USP32: variants seen among roughly 807,000 people sequenced by gnomAD.
USP32 encodes ubiquitin specific peptidase 32, also known as ubiquitin carboxyl-terminal hydrolase 32.
Under a neutral mutation model 204.8 loss-of-function variants are expected in USP32, and 59 were observed. The ratio of observed to expected loss-of-function variants is 0.29; its 90% CI spans 0.23 to 0.36. The LOEUF is 0.36. Among genes scored for constraint, USP32 ranks in the 10% least tolerant of loss-of-function variants. The probability of loss-of-function intolerance (pLI) is 1.00; values close to 1 mark genes in which losing one functional copy is unlikely to be tolerated. For synonymous variants in USP32, 517 were observed against 678.4 expected (o/e 0.76, Z 3.70); for missense variants, 1,160 against 1,946.4 (o/e 0.60, Z 7.60).
At position 60,179,213 on chromosome 17, in the gene USP32, T is replaced by G; in HGVS notation, c.*42A>C. Reference sequence around the variant, plus strand: ...GCCAAATGTCAGCTACAAGGAGTCATCTCCCTCACCGCCAAGCTGTCTAGC... The same window carrying G: ...GCCAAATGTCAGCTACAAGGAGTCAGCTCCCTCACCGCCAAGCTGTCTAGC... On this transcript the variant is annotated 3_prime_UTR_variant, in exon 34 of 34. Coordinates refer to ENST00000300896, the MANE Select transcript of USP32 (RefSeq NM_032582.4). The G allele has an allele frequency of 6.3e-7, 1 of 1,581,740 alleles. No homozygotes were observed. Among genetic ancestry groups the G allele is most frequent in the Non-Finnish European group, 8.6e-7 (1 of 1,159,346 alleles).
intron 1 of USP32, among the ~76,000 whole-genome samples, chr17:60,367,540 GAGGC>G: frequency 6.6e-6 from 1 of 152,186 alleles, no homozygotes; most frequent in Non-Finnish European, 1.5e-5. Context: ...GCTGGGCATG[GAGGC>G]TCAAACCTGT....
chr17:60,397,385 C>T lies in USP32; in HGVS notation c.106+24861G>A, dbSNP rs373774045. On this transcript the variant is annotated intron_variant, in intron 1 of 3. Transcript: ENST00000588898. ...CCAGTTGTTGTTGTTGTTTAAGACACAGCGTCTCTCTCTATCACTCAGGCT... is the reference window on the plus strand; with the variant it reads ...CCAGTTGTTGTTGTTGTTTAAGACATAGCGTCTCTCTCTATCACTCAGGCT... 3.7e-4 allele frequency among the ~76,000 whole-genome samples: 56 copies of T among 152,264 alleles called. 1 individual carries two copies. The highest frequency in any genetic ancestry group is 3.5e-3 in the East Asian group (18 of 5,192).
chr17:60,317,953 C>A (rs1048263166), intron 2 of USP32, among the ~76,000 whole-genome samples: 11 of 152,208 alleles, frequency 7.2e-5, no homozygotes, highest in Non-Finnish European at 1.6e-4. Context: ...CCACTGCACT[C>A]CAGCCTCGGC....
intron 2 of USP32, among the ~76,000 whole-genome samples, chr17:60,308,537 C>A (rs1025757240): frequency 6.6e-6 from 1 of 152,188 alleles, no homozygotes; most frequent in Admixed American, 6.5e-5. Flanking sequence ...ATTTACAATC[C>A]ACTCATCTTC....
chr17:60,311,873 A>G (rs1466315076), intron 2 of USP32, among the ~76,000 whole-genome samples: 1 of 148,772 alleles, frequency 6.7e-6, no homozygotes, highest in Admixed American at 6.7e-5. Flanking sequence ...TCCAGAGTTT[A>G]GAAACAGTTG....
At chr17:60,346,869 A>AAAAGTATCTTACT (rs1359378288) in intron 1 of USP32, among the ~76,000 whole-genome samples, 1 of 152,260 alleles carries the variant, frequency 6.6e-6, no homozygotes, top group African/African-American at 2.4e-5. Flanking sequence ...AATGTATCAT[A>AAAAGTATCTTACT]AAAGTATCTT....
chr17:60,221,508 CTTT>C (rs938743111), intron 15 of USP32, among the ~76,000 whole-genome samples: 1 of 142,202 alleles, frequency 7.0e-6, no homozygotes, highest in Non-Finnish European at 1.5e-5. Flanking sequence ...GTGTTTCTTT[CTTT>C]TTTTTTTTTT....
At chr17:60,259,984 C>A (rs1341310340) in intron 9 of USP32, among the ~76,000 whole-genome samples, 1 of 151,874 alleles carries the variant, frequency 6.6e-6, no homozygotes, top group Non-Finnish European at 1.5e-5. Context: ...TGTTCTATAC[C>A]CTTTCACTTA....
At chr17:60,340,010 A>G (rs1347099651) in intron 2 of USP32, among the ~76,000 whole-genome samples, 1 of 152,312 alleles carries the variant, frequency 6.6e-6, no homozygotes, top group East Asian at 1.9e-4. Context: ...CTGCTATGAT[A>G]TCTCAAAACA....
At chr17:60,342,437 G>A (rs765730734) in intron 2 of USP32, among the ~76,000 whole-genome samples, 5 of 152,192 alleles carry the variant, frequency 3.3e-5, no homozygotes, top group South Asian at 2.1e-4. Context: ...ATGCCATGCC[G>A]GGAGAGCCAC....
chr17:60,413,861 C>CAAAAAAAAAA (rs1307789444), intron 1 of USP32, among the ~76,000 whole-genome samples: 17 of 31,716 alleles, frequency 5.4e-4, no homozygotes, highest in African/African-American at 1.9e-3. Flanking sequence ...GATTCTGTCT[C>CAAAAAAAAAA]AAAAAAAAAA....
At chr17:60,398,995 A>AGGCCGGGCGCGGTGGCTCACGCCTGT (rs2089917327) in intron 1 of USP32, among the ~76,000 whole-genome samples, 1 of 152,002 alleles carries the variant, frequency 6.6e-6, no homozygotes, top group East Asian at 1.9e-4. Context: ...ATAAAATAAT[A>AGGCCGGGCGCGGTGGCTCACGCCTGT]AAAAGAAAAA....
Position 60,178,377 on chromosome 17 carries a change from G to C in USP32, c.*878C>G, listed in dbSNP as rs1192537201. ...TTCCCAGAAGCTCTTGTTGCAACAGGTGCATGTGAAGATGGTGCAAATATT... is the reference window on the plus strand; with the variant it reads ...TTCCCAGAAGCTCTTGTTGCAACAGCTGCATGTGAAGATGGTGCAAATATT... On this transcript the variant is annotated 3_prime_UTR_variant, in exon 34 of 34. Coordinates refer to ENST00000300896, the MANE Select transcript of USP32 (RefSeq NM_032582.4). Among the ~76,000 whole-genome samples the C allele has an allele frequency of 2.0e-5, 3 of 152,222 alleles. No homozygotes were observed. The highest frequency in any genetic ancestry group is 4.4e-5 in the Non-Finnish European group (3 of 68,050).
At chr17:60,356,595 A>G (rs1331111695) in intron 1 of USP32, among the ~76,000 whole-genome samples, 1 of 152,210 alleles carries the variant, frequency 6.6e-6, no homozygotes, top group Non-Finnish European at 1.5e-5. Context: ...CACACACAAA[A>G]AAGAATACAC....
intron 1 of USP32, among the ~76,000 whole-genome samples, chr17:60,362,188 C>G (rs2089222460): frequency 6.6e-6 from 1 of 152,072 alleles, no homozygotes; most frequent in African/African-American, 2.4e-5. Flanking sequence ...TTGAATACAT[C>G]ACATTAAAAA....
intron 29 of USP32, among the ~76,000 whole-genome samples, chr17:60,189,688 A>C (rs1491000646): frequency 6.6e-6 from 1 of 152,222 alleles, no homozygotes; most frequent in African/African-American, 2.4e-5. Flanking sequence ...AAGTGCAAAG[A>C]GTGGCCACTG....
intron 2 of USP32, chr17:60,305,042 A>C (rs1463733055): frequency 6.6e-6 from 1 of 152,210 alleles, no homozygotes; most frequent in East Asian, 1.9e-4. Flanking sequence ...CAGAATTTTA[A>C]CCTAGGAAAG....
chr17:60,256,443 C>G (rs1432231501), intron 9 of USP32, among the ~76,000 whole-genome samples: 1 of 151,764 alleles, frequency 6.6e-6, no homozygotes, highest in Non-Finnish European at 1.5e-5. Context: ...GTTTTTTTTC[C>G]ACCCAAATCA....
At chr17:60,298,596 C>G (rs963340958) in intron 3 of USP32, among the ~76,000 whole-genome samples, 2 of 151,880 alleles carry the variant, frequency 1.3e-5, no homozygotes, top group African/African-American at 4.8e-5. Flanking sequence ...TAAAAAGATC[C>G]CCCTGCCTCA....
Sources: allele counts gnomAD v4.1 joint callset (sites outside exome capture counted in the v4.1 genomes callset), GRCh38; gene constraint gnomAD v4.1.1; transcripts MANE v1.5; gene names NCBI Gene and HGNC (gene_info 2026-07-23, HGNC 2026-07-21).